The following USP22 variants were observed in gnomAD, a reference collection of about 807,000 sequenced individuals.
USP22 encodes the protein ubiquitin specific peptidase 22.
A neutral mutation model predicts 68.1 loss-of-function variants in USP22; 22 were observed. The ratio of observed to expected loss-of-function variants is 0.32; its 90% CI spans 0.23 to 0.46. The LOEUF (loss-of-function observed/expected upper bound fraction) is 0.46, where lower values mean the gene tolerates loss of function less well. USP22 is among the 20% of genes least tolerant of loss of function. The probability of loss-of-function intolerance (pLI) is 1.00; values close to 1 mark genes in which losing one functional copy is unlikely to be tolerated. For synonymous variants in USP22, 279 were observed against 274.2 expected, an observed-to-expected ratio of 1.02 and a Z score of -0.17; for missense variants, 433 against 695.8, an observed-to-expected ratio of 0.62 and a Z score of 4.25.
intron 7 of USP22, chr17:21,011,618 G>A (rs1323459162): frequency 3.0e-6 from 1 of 335,352 alleles, no homozygotes; most frequent in Non-Finnish European, 5.6e-6. Flanking sequence ...CATGGGCCCT[G>A]TCAGAGGCTC....
intron 5 of USP22, among the ~76,000 whole-genome samples, chr17:21,016,197 G>A (rs1454495714): frequency 6.6e-6 from 1 of 152,090 alleles, no homozygotes; most frequent in Non-Finnish European, 1.5e-5. Flanking sequence ...GACTCGATTT[G>A]CCCAATACTA....
chr17:21,017,590 G>C (rs557448093), intron 5 of USP22, among the ~76,000 whole-genome samples: 1 of 152,300 alleles, frequency 6.6e-6, no homozygotes, highest in East Asian at 1.9e-4. Context: ...GAGGACACAG[G>C]AGGGTGACAC....
chr17:21,040,470 T>C (rs1055676725), intron 1 of USP22, among the ~76,000 whole-genome samples: 2 of 152,168 alleles, frequency 1.3e-5, no homozygotes, highest in African/African-American at 4.8e-5. Context: ...ACCTAAATTT[T>C]GAAAGAAATA....
chr17:21,039,113 A>T (rs950140699), intron 1 of USP22, among the ~76,000 whole-genome samples: 1 of 151,064 alleles, frequency 6.6e-6, no homozygotes, highest in African/African-American at 2.4e-5. Flanking sequence ...CACCATGCCC[A>T]GCTAATTTTG....
chr17:21,015,537 A>C, intron 6 of USP22: 1 of 601,730 alleles, frequency 1.7e-6, no homozygotes, highest in East Asian at 3.3e-5. Context: ...TGCTGGAACT[A>C]CTTCCTCGCC....
At chr17:21,004,469 C>G in intron 11 of USP22, 118 bp from the exon 12 acceptor site, 1 of 1,274,026 alleles carries the variant, frequency 7.8e-7, no homozygotes, top group Non-Finnish European at 1.1e-6. Flanking sequence ...GGCCTGTCAA[C>G]CCCCAGGGCC....
chr17:21,036,042 A>G (rs1188224152), intron 1 of USP22, among the ~76,000 whole-genome samples: 1 of 151,338 alleles, frequency 6.6e-6, no homozygotes, highest in Admixed American at 6.6e-5. Context: ...AAAAAAAAAA[A>G]AAAAAAAAAA....
At chr17:21,040,423 T>TGCTTAAG (rs879816862) in intron 1 of USP22, among the ~76,000 whole-genome samples, 73 of 152,354 alleles carry the variant, frequency 4.8e-4, no homozygotes, top group Non-Finnish European at 4.9e-4. Context: ...AAGGGCTCCT[T>TGCTTAAG]GCTGGCACAC....
At chr17:21,036,030 C>CAAAAAAAAAAAAAAAAA (rs35324126) in intron 1 of USP22, among the ~76,000 whole-genome samples, 5 of 59,644 alleles carry the variant, frequency 8.4e-5, no homozygotes, top group African/African-American at 4.4e-4. Flanking sequence ...GACTCCGTCT[C>CAAAAAAAAAAAAAAAAA]AAAAAAAAAA....
chr17:21,002,689 T>G lies in USP22; in HGVS notation c.*342A>C. The G allele has an allele frequency of 3.1e-6, 1 of 321,212 alleles. No individual in the cohort carries two copies. The allele number at this position is 321,212 out of a possible 1,614,324, so 19.9% of individuals were successfully genotyped here. ...GTAGGGGCCTTTCCACACCGAGTGCTGGGGAACGCCAGGCAGCGGTCACTC... is the reference window on the plus strand; with the variant it reads ...GTAGGGGCCTTTCCACACCGAGTGCGGGGGAACGCCAGGCAGCGGTCACTC... On this transcript the variant is annotated 3_prime_UTR_variant, in exon 13 of 13. Coordinates refer to ENST00000261497, the MANE Select transcript of USP22 (RefSeq NM_015276.2).
rs1449527971 is a variant in USP22 at position 21,040,782 on chromosome 17, A to C, written c.171+1883T>G. ...GAGTGGGGCGGTCCCCACTTCATCC[A>C]AAGTAGTAACAAATCTTGGGCGCGT... is the stretch of plus-strand genomic sequence containing the variant. On this transcript the variant is annotated intron_variant, in intron 1 of 12. Transcript: ENST00000261497. 2.0e-5 allele frequency among the ~76,000 whole-genome samples: 3 copies of C among 152,154 alleles called. No homozygotes were observed. In the East Asian group the frequency reaches 5.8e-4, roughly 29 times the overall value.
chr17:21,007,005 G>C lies in USP22; in HGVS notation c.1231-18C>G. ...TCAAATCGCTGCAGAAATAGGAAGGGGACAGAGGGAAGAGGAAAGAAGATC... is the reference window on the plus strand; with the variant it reads ...TCAAATCGCTGCAGAAATAGGAAGGCGACAGAGGGAAGAGGAAAGAAGATC... On this transcript the variant is annotated intron_variant, in intron 9 of 12. Coordinates refer to ENST00000261497, the MANE Select transcript of USP22 (RefSeq NM_015276.2). The C allele has an allele frequency of 1.3e-6, 2 of 1,576,390 alleles. No individual in the cohort carries two copies. Among genetic ancestry groups the C allele is most frequent in the Middle Eastern group, 1.7e-4 (1 of 5,988 alleles).
rs544825878 is a variant in USP22, at chr17:21,003,523, A to G, written c.1536-450T>C. On this transcript the variant is annotated intron_variant, in intron 12 of 12. Transcript: ENST00000261497. The stretch of plus-strand genomic sequence containing the variant: ...GCAAAGCCCTCAGGGAGTTCATGGC[A>G]GCTGGGGTCCCCCTGACCCCTGGAG... 5.3e-5 allele frequency among the ~76,000 whole-genome samples: 8 copies of G among 152,348 alleles called. No homozygotes were observed. In the East Asian group the frequency reaches 1.5e-3, roughly 29 times the overall value.
intron 5 of USP22, 44 bp downstream of exon 5, chr17:21,017,898 C>G (rs1567588274): frequency 5.0e-6 from 8 of 1,597,494 alleles, no homozygotes; most frequent in Non-Finnish European, 6.8e-6. Flanking sequence ...AAGGTGAAAA[C>G]AAAGTAACAG....
chr17:21,006,887 C>A lies in USP22; in HGVS notation c.1322+9G>T. 6.3e-7 allele frequency: 1 copy of A among 1,595,974 alleles called. No individual in the cohort carries two copies. Among genetic ancestry groups the A allele is most frequent in the Non-Finnish European group, 8.5e-7 (1 of 1,170,900 alleles). ...TCAGGACACAGAACGGGCCTACAAC[C>A]CCACATACCTGGAGGCCATGAAAGG... On this transcript the variant is annotated intron_variant, in intron 10 of 12. Coordinates refer to ENST00000261497, the MANE Select transcript of USP22 (RefSeq NM_015276.2).
chr17:21,017,906 C>A (rs769566848), intron 5 of USP22, 36 bp downstream of exon 5: 1 of 1,601,140 alleles, frequency 6.2e-7, no homozygotes, highest in South Asian at 1.1e-5. Context: ...AACAAAGTAA[C>A]AGAAATGTTC....
Position 21,002,811 on chromosome 17 carries a change from A to T in USP22, c.*220T>A. ...TCCTCCCACCCAGAGCACACCCCTCATCTCATCCATCTTCAAAGCAGCTCC... is the reference window on the plus strand; with the variant it reads ...TCCTCCCACCCAGAGCACACCCCTCTTCTCATCCATCTTCAAAGCAGCTCC... On this transcript the variant is annotated 3_prime_UTR_variant, in exon 13 of 13. Coordinates refer to ENST00000261497, the MANE Select transcript of USP22 (RefSeq NM_015276.2). The T allele has an allele frequency of 1.7e-5, 9 of 527,390 alleles. No individual in the cohort carries two copies. The highest frequency in any genetic ancestry group is 6.8e-5 in the East Asian group (2 of 29,210). The allele number at this position is 527,390 out of a possible 1,614,324, so 32.7% of individuals were successfully genotyped here. A position where few individuals can be genotyped will look rare whatever the true frequency, so the allele number is the denominator to read the frequency against.
rs1913589620 is a variant in USP22, at chr17:21,001,812, A to G, written c.*1219T>C. The stretch of plus-strand genomic sequence containing the variant: ...CAAATGGACAAACCATCTCTGTTTG[A>G]ATTTGAATACACAGATACATGCAAG... On this transcript the variant is annotated 3_prime_UTR_variant, in exon 13 of 13. Transcript: ENST00000261497. 6.6e-6 allele frequency: 1 copy of G among 152,244 alleles called. No homozygotes were observed. Among genetic ancestry groups the G allele is most frequent in the South Asian group, 2.1e-4 (1 of 4,832 alleles). 9.4% of individuals were successfully genotyped at this position (152,244 alleles called of 1,614,324 possible).
chr17:21,002,481 T>C lies in USP22; in HGVS notation c.*550A>G, dbSNP rs1011742729. On this transcript the variant is annotated 3_prime_UTR_variant, in exon 13 of 13. Transcript: ENST00000261497. ...ACACGCTTGAAAACGCGACGTAGTG[T>C]CCGTACTTCCGAAGCTAGGAGGCTG... 6.5e-6 allele frequency: 1 copy of C among 153,482 alleles called. No individual in the cohort carries two copies. Among genetic ancestry groups the C allele is most frequent in the African/African-American group, 2.4e-5 (1 of 41,448 alleles). The allele number at this position is 153,482 out of a possible 1,614,324, so 9.5% of individuals were successfully genotyped here.
Sources: allele counts gnomAD v4.1 joint callset (sites outside exome capture counted in the v4.1 genomes callset), GRCh38; gene constraint gnomAD v4.1.1; transcripts MANE v1.5; gene names NCBI Gene and HGNC (gene_info 2026-07-23, HGNC 2026-07-21).